ITGBL1: variants seen among roughly 807,000 people sequenced by gnomAD.
ITGBL1 encodes the protein integrin beta-like protein 1.
A neutral mutation model predicts 68.5 loss-of-function variants in ITGBL1; 51 were observed. The observed-to-expected ratio is 0.74, with a 90% CI of 0.59 to 0.94. The LOEUF (loss-of-function observed/expected upper bound fraction) is 0.94. Among genes scored for constraint, ITGBL1 ranks in the 40% least tolerant of loss-of-function variants. The pLI is 0.00. For synonymous variants in ITGBL1, 209 were observed against 227.3 expected, an observed-to-expected ratio of 0.92 and a Z score of 0.72; for missense variants, 649 against 647.4, an observed-to-expected ratio of 1.00 and a Z score of -0.03.
At chr13:101,582,506 G>T (rs2050475761) in intron 5 of ITGBL1, among the ~76,000 whole-genome samples, 1 of 152,232 alleles carries the variant, frequency 6.6e-6, no homozygotes, top group African/African-American at 2.4e-5. Context: ...ATGTACAGCT[G>T]GGCATTTCCC....
chr13:101,618,615 C>T (rs1468071719), intron 7 of ITGBL1, among the ~76,000 whole-genome samples: 1 of 152,104 alleles, frequency 6.6e-6, no homozygotes, highest in Non-Finnish European at 1.5e-5. Flanking sequence ...CAGACTCTCT[C>T]ACTCTTTCAC....
At chr13:101,531,710 TATTTATTTATTTA>T (rs2049483054) in intron 2 of ITGBL1, among the ~76,000 whole-genome samples, 2 of 144,272 alleles carry the variant, frequency 1.4e-5, no homozygotes, top group Non-Finnish European at 3.0e-5. Context: ...GTTATTTATT[TATTTATTTATTTA>T]TTTATTTATT....
chr13:101,691,463 C>G (rs143266096), intron 7 of ITGBL1, among the ~76,000 whole-genome samples: 74 of 152,240 alleles, frequency 4.9e-4, no homozygotes, highest in African/African-American at 1.3e-3. Flanking sequence ...TAACAAGATA[C>G]AAGTTCAGCA....
At chr13:101,569,250 G>A (rs2050234937) in intron 3 of ITGBL1, among the ~76,000 whole-genome samples, 1 of 151,890 alleles carries the variant, frequency 6.6e-6, no homozygotes, top group African/African-American at 2.4e-5. Flanking sequence ...TTTATTTATT[G>A]TTTGCAAATC....
Position 101,573,638 on chromosome 13 carries a change from G to A in ITGBL1, c.464-1786G>A, listed in dbSNP as rs1386785360. On this transcript the variant is annotated intron_variant, in intron 3 of 10. Transcript: ENST00000376180. Reference sequence around the variant, plus strand: ...ACATATTCATCACTTGGTATTGGCAGCAGTTCTATGAAGCAGAGATTATTT... The same window carrying A: ...ACATATTCATCACTTGGTATTGGCAACAGTTCTATGAAGCAGAGATTATTT... Among the ~76,000 whole-genome samples, 4 of 152,102 alleles carry A rather than the reference G, an allele frequency of 2.6e-5. No homozygotes were observed. In the East Asian group the frequency reaches 7.7e-4, roughly 29 times the overall value.
intron 7 of ITGBL1, among the ~76,000 whole-genome samples, chr13:101,643,543 C>T (rs2032459966): frequency 6.6e-6 from 1 of 152,156 alleles, no homozygotes; most frequent in African/African-American, 2.4e-5. Context: ...ATGTGTCTTT[C>T]TCCATTGCAT....
chr13:101,537,924 C>G (rs1360771954), intron 2 of ITGBL1, among the ~76,000 whole-genome samples: 1 of 151,918 alleles, frequency 6.6e-6, no homozygotes, highest in Non-Finnish European at 1.5e-5. Flanking sequence ...AACTGTTAAT[C>G]CTATGTCAAA....
chr13:101,708,519 A>G (rs1308546512), intron 9 of ITGBL1, among the ~76,000 whole-genome samples: 1 of 152,188 alleles, frequency 6.6e-6, no homozygotes, highest in Admixed American at 6.5e-5. Flanking sequence ...CCAAAGAACC[A>G]CACCAGTGAG....
Position 101,452,813 on chromosome 13 carries a change from G to T in ITGBL1, c.-21G>T, listed in dbSNP as rs1191692993. 1.2e-6 allele frequency: 2 copies of T among 1,606,664 alleles called. No individual in the cohort carries two copies. The highest frequency in any genetic ancestry group is 2.2e-5 in the East Asian group (1 of 44,838). ...CACCTTGCAGAAGTGCAGCTCGCCC[G>T]GAGCAGCCCAGGAGCTCAGCATGCG... is the stretch of plus-strand genomic sequence containing the variant. On this transcript the variant is annotated 5_prime_UTR_variant, in exon 1 of 11. Coordinates refer to ENST00000376180, the MANE Select transcript of ITGBL1 (RefSeq NM_004791.3).
At chr13:101,581,622 T>C (rs1489023170) in intron 5 of ITGBL1, among the ~76,000 whole-genome samples, 3 of 152,226 alleles carry the variant, frequency 2.0e-5, no homozygotes, top group Admixed American at 6.5e-5. Context: ...ACCTAATTTA[T>C]TACTTAGTGA....
chr13:101,605,098 G>A (rs1338468603), intron 7 of ITGBL1, among the ~76,000 whole-genome samples: 1 of 145,822 alleles, frequency 6.9e-6, no homozygotes, highest in Non-Finnish European at 1.5e-5. Flanking sequence ...ATGTGTATAT[G>A]TGTATATATG....
At chr13:101,635,445 A>G (rs1566768026) in intron 7 of ITGBL1, among the ~76,000 whole-genome samples, 3 of 152,228 alleles carry the variant, frequency 2.0e-5, no homozygotes, top group Admixed American at 6.5e-5. Context: ...CAAATAACTC[A>G]TGCTAGTCAT....
At chr13:101,672,583 C>T (rs540622753) in intron 7 of ITGBL1, among the ~76,000 whole-genome samples, 1 of 152,166 alleles carries the variant, frequency 6.6e-6, no homozygotes, top group South Asian at 2.1e-4. Flanking sequence ...GACCAGCCTT[C>T]CCACACACAA....
intron 2 of ITGBL1, among the ~76,000 whole-genome samples, chr13:101,516,943 A>T (rs2079760243): frequency 6.6e-6 from 1 of 152,198 alleles, no homozygotes; most frequent in Admixed American, 6.5e-5. Flanking sequence ...TGTGAAATCA[A>T]ATTGGCAGAG....
At chr13:101,471,568 GTATA>G (rs148373767) in intron 2 of ITGBL1, among the ~76,000 whole-genome samples, 1,776 of 144,718 alleles carry the variant, frequency 0.012, 23 homozygotes, top group Middle Eastern at 0.032. Flanking sequence ...GTGTGTGTGT[GTATA>G]TATATTTCTC....
At chr13:101,545,587 A>G (rs562179673) in intron 2 of ITGBL1, among the ~76,000 whole-genome samples, 1 of 152,332 alleles carries the variant, frequency 6.6e-6, no homozygotes, top group Non-Finnish European at 1.5e-5. Flanking sequence ...GGGAAAACAA[A>G]TATTTTAAAA....
chr13:101,639,252 T>C (rs2032283132), intron 7 of ITGBL1, among the ~76,000 whole-genome samples: 1 of 152,204 alleles, frequency 6.6e-6, no homozygotes, highest in Non-Finnish European at 1.5e-5. Flanking sequence ...ATAGATTTTC[T>C]ATACCATATT....
chr13:101,560,082 T>G (rs1487826502), intron 2 of ITGBL1, among the ~76,000 whole-genome samples: 1 of 152,180 alleles, frequency 6.6e-6, no homozygotes, highest in African/African-American at 2.4e-5. Context: ...GTCTTAAAAA[T>G]GGTGAAGTTT....
chr13:101,519,954 A>G (rs994599678), intron 2 of ITGBL1, among the ~76,000 whole-genome samples: 2 of 152,210 alleles, frequency 1.3e-5, no homozygotes, highest in African/African-American at 2.4e-5. Flanking sequence ...TTTCCTGTCA[A>G]TAAAGCCATG....
Sources: gnomAD v4.1 joint callset for allele counts (sites outside exome capture counted in the v4.1 genomes callset) on GRCh38, gnomAD v4.1.1 for gene constraint, MANE v1.5 for transcripts, NCBI Gene and HGNC (gene_info 2026-07-23, HGNC 2026-07-21) for gene names.